F5: variants seen among roughly 807,000 people sequenced by gnomAD.
F5 encodes the protein coagulation factor V, also known as activated protein c cofactor.
A neutral mutation model predicts 216.4 loss-of-function variants in F5; 138 were observed. The observed-to-expected ratio is 0.64, with a 90% CI of 0.56 to 0.73. The LOEUF is 0.73. F5 is among the 30% of genes least tolerant of loss of function. F5 has a pLI of 0.00. For missense variants in F5, 2,403 were observed against 2,674.0 expected (o/e 0.90, Z 2.24); for synonymous variants, 916 against 930.7 (o/e 0.98, Z 0.29).
At position 169,560,580 on chromosome 1, in the gene F5, A is replaced by G; in HGVS notation, c.560T>C (p.Ile187Thr). ...NLIEDFNSGL[I>T]GPLLICKKGT... is the part of the protein sequence containing the mutation. Reference sequence around the variant, plus strand: ...TTTTTTACAGATAAGCAGGGGCCCAATCAGCCCCGAGTTGAAATCCTCGAT... The same window carrying G: ...TTTTTTACAGATAAGCAGGGGCCCAGTCAGCCCCGAGTTGAAATCCTCGAT... Residue 187 changes from isoleucine to threonine, a missense_variant, in exon 4 of 25, where the codon ATT (isoleucine) becomes ACT (threonine). Ile to Thr is a moderately conservative substitution (Grantham distance 89, BLOSUM62 -1). This residue lies in a region of F5 where 1,425 missense variants were observed against 1,554.8 expected (regional missense o/e 0.92). Transcript: ENST00000367797. The G allele has an allele frequency of 1.2e-6, 2 of 1,613,648 alleles. No homozygotes were observed. The highest frequency in any genetic ancestry group is 1.7e-6 in the Non-Finnish European group (2 of 1,179,718).
chr1:169,569,161 C>T (rs1660670755), intron 3 of F5, among the ~76,000 whole-genome samples: 1 of 151,872 alleles, frequency 6.6e-6, no homozygotes, highest in African/African-American at 2.4e-5. Context: ...CTACATAAGG[C>T]CAAAATATTC....
intron 13 of F5, among the ~76,000 whole-genome samples, chr1:169,537,212 A>T (rs1037920547): frequency 1.3e-5 from 2 of 152,176 alleles, no homozygotes; most frequent in African/African-American, 4.8e-5. Context: ...TCGTATGTTA[A>T]CACACCAAAT....
intron 7 of F5, among the ~76,000 whole-genome samples, chr1:169,553,583 G>T (rs1436172277): frequency 1.3e-5 from 2 of 152,194 alleles, no homozygotes; most frequent in Non-Finnish European, 2.9e-5. Flanking sequence ...TTTTGTATTT[G>T]TGTTGGCGGG....
Position 169,550,651 on chromosome 1 carries a change from G to A in F5, c.1385C>T (p.Ser462Phe), listed in dbSNP as rs749569325. 1 of 1,613,214 alleles carries A rather than the reference G, an allele frequency of 6.2e-7. No individual in the cohort carries two copies. The highest frequency in any genetic ancestry group is 2.2e-5 in the East Asian group (1 of 44,858). The change falls in exon 9 of 25, where the codon TCT becomes TTT. Residue 462 changes from serine to phenylalanine, a missense_variant. Coordinates refer to ENST00000367797, the MANE Select transcript of F5 (RefSeq NM_000130.5). The part of the protein sequence containing the change: ...FSPYEDEVNS[S>F]FTSGRNNTMI... The stretch of plus-strand genomic sequence containing the variant: ...TGAAAGATTCAAACCTGAGGTGAAA[G>A]AAGAGTTGACTTCATCTTCATAAGG...
intron 24 of F5, 37 bp downstream of exon 24, chr1:169,515,407 T>C: frequency 6.2e-7 from 1 of 1,609,652 alleles, no homozygotes; most frequent in South Asian, 1.1e-5. Flanking sequence ...TAGCACAGTC[T>C]TCAGATTGCT....
chr1:169,526,059 A>C lies in F5; in HGVS notation c.5600-42T>G, dbSNP rs747071736. On this transcript the variant is annotated intron_variant, in intron 17 of 24. Transcript: ENST00000367797. ...AACATTACATTTGCAAAAATTAACA[A>C]GTAAATATTGTGGTTGATAGTTCTC... The C allele has an allele frequency of 1.3e-5, 17 of 1,343,390 alleles. No individual in the cohort carries two copies. The East Asian group carries it at 3.9e-4, about 31-fold the overall frequency. The allele number at this position is 1,343,390 out of a possible 1,614,324, so 83.2% of individuals were successfully genotyped here.
intron 19 of F5, among the ~76,000 whole-genome samples, chr1:169,524,178 G>A (rs1284457633): frequency 6.6e-6 from 1 of 152,180 alleles, no homozygotes; most frequent in East Asian, 1.9e-4. Context: ...AATGCTGAAT[G>A]TGCCTGCCTA....
At chr1:169,551,354 G>A (rs2420377) in intron 8 of F5, among the ~76,000 whole-genome samples, 35,931 of 152,122 alleles carry the variant, frequency 0.24, 4,336 homozygotes, top group Admixed American at 0.34. Flanking sequence ...AGAGGCTGAG[G>A]TGCGAGAATC....
At chr1:169,550,915 G>A (rs1331397255) in intron 8 of F5, among the ~76,000 whole-genome samples, 176 bp from the exon 9 acceptor site, 1 of 152,190 alleles carries the variant, frequency 6.6e-6, no homozygotes, top group African/African-American at 2.4e-5. Flanking sequence ...CTTGGCAGGA[G>A]CATTGGAGAG....
chr1:169,524,658 T>C (rs1376419852), intron 19 of F5, among the ~76,000 whole-genome samples, 179 bp downstream of exon 19: 1 of 152,178 alleles, frequency 6.6e-6, no homozygotes, highest in Non-Finnish European at 1.5e-5. Flanking sequence ...GCTCCTACCA[T>C]AGTGTTCCTT....
chr1:169,514,061 C>T lies in F5; in HGVS notation c.*252G>A. On this transcript the variant is annotated 3_prime_UTR_variant, in exon 25 of 25. Coordinates refer to ENST00000367797, the MANE Select transcript of F5 (RefSeq NM_000130.5). ...TTTTCAATCATTAAGAAAGATAAGC[C>T]CTTTTCTTGTTGGTTCTTGATATTT... 2.1e-6 allele frequency: 1 copy of T among 466,756 alleles called. No individual in the cohort carries two copies. Among genetic ancestry groups the T allele is most frequent in the Non-Finnish European group, 3.8e-6 (1 of 262,006 alleles). The allele number at this position is 466,756 out of a possible 1,614,324, so 28.9% of individuals were successfully genotyped here.
At position 169,518,413 on chromosome 1, in the gene F5, T is replaced by C; in HGVS notation, c.6344A>G (p.Lys2115Arg). The part of the protein sequence containing the change: ...AQGRVNAWQA[K>R]ANNNKQWLEI... ...CACCATGCATAGAGTATACTTGACC[T>C]TGGCTTGCCAGGCATTCACACGTCC... is the stretch of plus-strand genomic sequence containing the variant. The change falls in exon 23 of 25, where the codon AAG becomes AGG. Residue 2115 changes from lysine to arginine, a missense_variant and splice_region_variant. Lys to Arg is a conservative substitution (Grantham distance 26). Around this residue, in one of 4 missense-constraint regions of F5, gnomAD observed 659 missense variants for 787.9 expected, o/e 0.84. Coordinates refer to ENST00000367797, the MANE Select transcript of F5 (RefSeq NM_000130.5). 6.2e-7 allele frequency: 1 copy of C among 1,613,672 alleles called. No homozygotes were observed. The highest frequency in any genetic ancestry group is 1.1e-5 in the South Asian group (1 of 91,070).
Position 169,586,128 on chromosome 1 carries a change from T to TAAAA in F5, c.158+100_158+101insTTTT. 3.0e-6 allele frequency: 4 copies of TAAAA among 1,337,014 alleles called. No individual in the cohort carries two copies. The African/African-American group carries it at 4.7e-5, about 16-fold the overall frequency. The allele number at this position is 1,337,014 out of a possible 1,614,324, so 82.8% of individuals were successfully genotyped here. A position where few individuals can be genotyped will look rare whatever the true frequency, so the allele number is the denominator to read the frequency against. ...ATTAGTTATATTTACTTACCTGAAG[T>TAAAA]TAAAAAAAAAAAAAGCCATGACATT... On this transcript the variant is annotated intron_variant, in intron 1 of 24. Transcript: ENST00000367797.
At chr1:169,555,050 A>T in intron 7 of F5, 132 bp downstream of exon 7, 2 of 1,030,658 alleles carry the variant, frequency 1.9e-6, no homozygotes, top group South Asian at 2.7e-5. Flanking sequence ...TAATTTTTAC[A>T]AAAAGACTTG....
chr1:169,571,268 T>C (rs1571598029), intron 3 of F5, among the ~76,000 whole-genome samples: 1 of 152,114 alleles, frequency 6.6e-6, no homozygotes, highest in Non-Finnish European at 1.5e-5. Flanking sequence ...ACTATTATCT[T>C]TATGATTATT....
chr1:169,543,445 T>C (rs1194142368), intron 12 of F5, among the ~76,000 whole-genome samples: 2 of 152,018 alleles, frequency 1.3e-5, no homozygotes, highest in Non-Finnish European at 2.9e-5. Context: ...GGAAAAAAGG[T>C]CTTTCAGCAC....
At chr1:169,577,074 G>A (rs1363875625) in intron 2 of F5, among the ~76,000 whole-genome samples, 1 of 152,118 alleles carries the variant, frequency 6.6e-6, no homozygotes, top group Non-Finnish European at 1.5e-5. Flanking sequence ...TCCTCCAACA[G>A]CCAGATGGCC....
At position 169,560,775 on chromosome 1, in the gene F5, G is replaced by T. The variant is rs753739580; in HGVS notation, c.374-9C>A. On this transcript the variant is annotated splice_polypyrimidine_tract_variant and intron_variant, in intron 3 of 24. Transcript: ENST00000367797. Reference sequence around the variant, plus strand: ...GTCAAGGTAAGAAGCACCTGGAGGAGTAACAGCCATCAAGACATGTGGGCA... The same window carrying T: ...GTCAAGGTAAGAAGCACCTGGAGGATTAACAGCCATCAAGACATGTGGGCA... The T allele has an allele frequency of 1.2e-6, 2 of 1,611,328 alleles. No individual in the cohort carries two copies. Among genetic ancestry groups the T allele is most frequent in the African/African-American group, 2.7e-5 (2 of 74,760 alleles).
rs576860543 is a variant in F5, at chr1:169,572,770, C to T, written c.251-427G>A. Among the ~76,000 whole-genome samples the T allele has an allele frequency of 4.2e-4, 64 of 152,300 alleles. 1 individual carries two copies. The highest frequency in any genetic ancestry group is 1.5e-3 in the African/African-American group (61 of 41,576). ...AGATGAATTGAGGAACCAAATCACA[C>T]AGCTCTCTGGCTCTGAGGCAGGAGT... On this transcript the variant is annotated intron_variant, in intron 2 of 24. Transcript: ENST00000367797.
Sources: gnomAD v4.1 joint callset for allele counts (sites outside exome capture counted in the v4.1 genomes callset) on GRCh38, gnomAD v4.1.1 for gene constraint, gnomAD v4.1.1 regional missense constraint, MANE v1.5 for transcripts, NCBI Gene and HGNC (gene_info 2026-07-23, HGNC 2026-07-21) for gene names.